COL4A4: variants seen among roughly 807,000 people sequenced by gnomAD.
The protein encoded by COL4A4 is collagen type IV alpha 4 chain.
Under a neutral mutation model 192.9 loss-of-function variants are expected in COL4A4, and 105 were observed. The observed-to-expected ratio is 0.54, with a 90% confidence interval of 0.46 to 0.64. The LOEUF is 0.64. Ranked by LOEUF, COL4A4 falls within the 30% of genes least tolerant of loss-of-function variation. The pLI, the probability that COL4A4 is intolerant of heterozygous loss-of-function variation, is 0.00. For synonymous variants in COL4A4, 762 were observed against 769.9 expected, an observed-to-expected ratio of 0.99 and a Z score of 0.17; for missense variants, 1,967 against 2,169.3, an observed-to-expected ratio of 0.91 and a Z score of 1.85.
intron 30 of COL4A4, among the ~76,000 whole-genome samples, 197 bp from the exon 31 acceptor site, chr2:227,054,934 CG>C (rs1338886426): frequency 6.6e-6 from 1 of 152,040 alleles, no homozygotes; most frequent in Non-Finnish European, 1.5e-5. Flanking sequence ...GGATTACAGG[CG>C]GGAGCCACCG....
chr2:227,056,020 G>A lies in COL4A4; in HGVS notation c.2641C>T (p.His881Tyr). Residue 881 changes from histidine to tyrosine, a missense_variant, in exon 30 of 48, where the codon CAT (histidine) becomes TAT (tyrosine). Transcript: ENST00000396625. The part of the protein sequence containing the change: ...LPGLPGRPGA[H>Y]GPPGLPGIPG... ...ATTCCTGGGAGGCCTGGGGGACCAT[G>A]TGCCCCAGGCCGTCCTGGGAGTCCG... is the stretch of plus-strand genomic sequence containing the variant. 2 of 1,613,948 alleles carry A rather than the reference G, an allele frequency of 1.2e-6. No individual in the cohort carries two copies. The highest frequency in any genetic ancestry group is 2.2e-5 in the South Asian group (2 of 91,066).
intron 1 of COL4A4, among the ~76,000 whole-genome samples, chr2:227,152,758 T>C (rs897771377): frequency 1.3e-5 from 2 of 152,230 alleles, no homozygotes; most frequent in African/African-American, 2.4e-5. Context: ...AGCTTTTGAC[T>C]GCACCAAACA....
At chr2:227,024,630 A>G (rs1025509718) in intron 43 of COL4A4, among the ~76,000 whole-genome samples, 3 of 152,270 alleles carry the variant, frequency 2.0e-5, no homozygotes, top group African/African-American at 7.2e-5. Flanking sequence ...CATAACAACA[A>G]AGTTTTAGTC....
At chr2:227,134,195 A>T (rs1421785777) in intron 4 of COL4A4, among the ~76,000 whole-genome samples, 1 of 152,188 alleles carries the variant, frequency 6.6e-6, no homozygotes, top group Non-Finnish European at 1.5e-5. Context: ...TAGTAGCCCC[A>T]TCCTGAGCAC....
At chr2:227,041,784 A>AAGGG (rs1250258056) in intron 37 of COL4A4, among the ~76,000 whole-genome samples, 2 of 52,368 alleles carry the variant, frequency 3.8e-5, no homozygotes, top group Non-Finnish European at 3.7e-5. Context: ...GGAAGGAAGG[A>AAGGG]AGGGAAAGAA....
chr2:226,972,510 A>C, the COL4A4 span, among the ~76,000 whole-genome samples: 1 of 152,128 alleles, frequency 6.6e-6, no homozygotes, highest in Non-Finnish European at 1.5e-5. Context: ...CACCCAGTTC[A>C]TCTGGACTCC....
intron 35 of COL4A4, among the ~76,000 whole-genome samples, chr2:227,044,960 C>T (rs942246519): frequency 2.6e-5 from 4 of 152,142 alleles, no homozygotes; most frequent in Admixed American, 2.0e-4. Flanking sequence ...GCAAATTTGG[C>T]CAAGGCAAAC....
chr2:227,008,149 G>A lies in COL4A4; in HGVS notation c.4678C>T (p.Arg1560Cys), dbSNP rs200973262. 72 of 1,613,874 alleles carry A rather than the reference G, an allele frequency of 4.5e-5. No homozygotes were observed. The highest frequency in any genetic ancestry group is 3.3e-4 in the Middle Eastern group (2 of 6,084). Residue 1560 changes from arginine (R) to cysteine (C), a missense_variant, in exon 47 of 48, where the codon CGC (arginine) becomes TGC (cysteine). By Grantham distance (180) the Arg-to-Cys change is radical. Transcript: ENST00000396625. ...ACCGCACAGCGGCTGACATAGGGGC[G>A]GATCGCCTCTTCAGAGAGTGGCATC... ...PMMPLSEEAI[R>C]PYVSRCAVCE...
At chr2:227,070,739 G>A (rs71353896) in intron 25 of COL4A4, among the ~76,000 whole-genome samples, 19,158 of 122,510 alleles carry the variant, frequency 0.16, 1,383 homozygotes, top group African/African-American at 0.26. Flanking sequence ...GGAGGGGGGA[G>A]GGGGGAGGAT....
chr2:227,163,328 G>A (rs138767913), intron 1 of COL4A4, among the ~76,000 whole-genome samples: 7 of 152,234 alleles, frequency 4.6e-5, no homozygotes, highest in African/African-American at 1.2e-4. Context: ...ACCATTTGCA[G>A]ACATCACTAC....
Position 227,140,197 on chromosome 2 carries a change from G to A in COL4A4, c.156C>T (p.Cys52=). 1 of 1,614,070 alleles carries A rather than the reference G, an allele frequency of 6.2e-7. No individual in the cohort carries two copies. The highest frequency in any genetic ancestry group is 8.5e-7 in the Non-Finnish European group (1 of 1,179,976). ...TTTCAGGAACACAGTGGCAAACAGA[G>A]CAATCTCTTCCTCCACAAGGACCAA... The part of the protein sequence containing the change: ...KYIGPCGGRD[C]SVCHCVPEKG... Residue 52 remains cysteine (C), a synonymous_variant, in exon 4 of 48, where the codon TGC becomes TGT. Coordinates refer to ENST00000396625, the MANE Select transcript of COL4A4 (RefSeq NM_000092.5).
rs374340855 is a variant in COL4A4, at chr2:227,078,025, C to T, written c.1856G>A (p.Gly619Asp). 3.1e-6 allele frequency: 5 copies of T among 1,613,836 alleles called. No homozygotes were observed. The African/African-American group carries it at 5.3e-5, about 17-fold the overall frequency. The change falls in exon 25 of 48, where the codon GGC (glycine) becomes GAC (aspartate). Residue 619 changes from glycine to aspartate, a missense_variant. Gly to Asp is a moderately conservative substitution (Grantham distance 94, BLOSUM62 -1). Transcript: ENST00000396625. Reference protein sequence around the residue: ...PGGKGFPGPLGPPGKAGPVGP... With the variant: ...PGGKGFPGPLDPPGKAGPVGP... ...CACAGGTCCTGCTTTGCCTGGGGGGCCCAGAGGTCCAGGAAATCCTTTACC... is the reference window on the plus strand; with the variant it reads ...CACAGGTCCTGCTTTGCCTGGGGGGTCCAGAGGTCCAGGAAATCCTTTACC...
At chr2:227,088,864 C>T (rs2059743225) in intron 21 of COL4A4, 48 bp from the exon 22 acceptor site, 1 of 1,600,502 alleles carries the variant, frequency 6.2e-7, no homozygotes, top group Admixed American at 1.7e-5. Flanking sequence ...TGAATAAAAT[C>T]CCCAATAAGG....
At chr2:227,041,210 G>A (rs2150063356) in intron 37 of COL4A4, among the ~76,000 whole-genome samples, 1 of 152,164 alleles carries the variant, frequency 6.6e-6, no homozygotes, top group African/African-American at 2.4e-5. Flanking sequence ...GCTCCATGAG[G>A]GCAGGAAGCA....
chr2:227,018,672 T>TA (rs528113281), intron 44 of COL4A4, among the ~76,000 whole-genome samples: 1 of 152,088 alleles, frequency 6.6e-6, no homozygotes, highest in Non-Finnish European at 1.5e-5. Flanking sequence ...GGGCACTTTT[T>TA]AAAAAACATC....
chr2:227,127,825 G>A (rs1335085240), intron 4 of COL4A4, among the ~76,000 whole-genome samples: 4 of 152,194 alleles, frequency 2.6e-5, no homozygotes, highest in Admixed American at 6.5e-5. Context: ...TTCTTAGCCA[G>A]AAGGTATAAA....
chr2:227,043,036 C>A lies in COL4A4; in HGVS notation c.3397+41G>T, dbSNP rs116839612. ...GTGGTTTCTGAAACACTCTGAGACA[C>A]AAGAGTGCTCAGGAAGTCTCCAGAT... On this transcript the variant is annotated intron_variant, in intron 36 of 47. Coordinates refer to ENST00000396625, the MANE Select transcript of COL4A4 (RefSeq NM_000092.5). The A allele has an allele frequency of 1.9e-3, 2,700 of 1,415,082 alleles. 32 individuals carry two copies. In the African/African-American group the frequency reaches 0.031, roughly 16 times the overall value. 87.7% of individuals were successfully genotyped at this position (1,415,082 alleles called of 1,614,324 possible). A position where few individuals can be genotyped will look rare whatever the true frequency, so the allele number is the denominator to read the frequency against.
intron 37 of COL4A4, 30 bp from the exon 38 acceptor site, chr2:227,033,511 AG>A (rs752466930): frequency 6.3e-7 from 1 of 1,596,290 alleles, no homozygotes; most frequent in South Asian, 1.1e-5. Flanking sequence ...TGTGACCCAA[AG>A]GAAGACCAGC....
intron 1 of COL4A4, among the ~76,000 whole-genome samples, chr2:227,152,116 G>C (rs1486873971): frequency 6.6e-6 from 1 of 152,198 alleles, no homozygotes; most frequent in Non-Finnish European, 1.5e-5. Flanking sequence ...GAGCTGGCAG[G>C]TTCCTGTTCT....
Sources: allele counts gnomAD v4.1 joint callset (sites outside exome capture counted in the v4.1 genomes callset), GRCh38; gene constraint gnomAD v4.1.1; transcripts MANE v1.5; gene names NCBI Gene and HGNC (gene_info 2026-07-23, HGNC 2026-07-21).